Variants in CREB5 observed in about 807,000 individuals in gnomAD.
The protein encoded by CREB5 is cyclic AMP-responsive element-binding protein 5.
Under a neutral mutation model 57.1 loss-of-function variants are expected in CREB5, and 19 were observed. The observed-to-expected ratio is 0.33, with a 90% CI of 0.23 to 0.49. The LOEUF (loss-of-function observed/expected upper bound fraction) is 0.49, where lower values mean the gene tolerates loss of function less well. Ranked by LOEUF, CREB5 falls within the 20% of genes least tolerant of loss-of-function variation. The pLI, the probability that CREB5 is intolerant of heterozygous loss-of-function variation, is 0.99. For missense variants in CREB5, 579 were observed against 671.6 expected (o/e 0.86, Z 1.52); for synonymous variants, 238 against 238.3 (o/e 1.00, Z 0.01).
At chr7:28,311,108 C>T (rs954809713) in intron 1 of CREB5, among the ~76,000 whole-genome samples, 39 of 124,832 alleles carry the variant, frequency 3.1e-4, no homozygotes, top group African/African-American at 1.1e-3. Flanking sequence ...TCCTGGCTAG[C>T]ACGGTGAAAC....
chr7:28,317,231 T>G (rs1381121479), intron 1 of CREB5, among the ~76,000 whole-genome samples: 1 of 152,112 alleles, frequency 6.6e-6, no homozygotes. Context: ...AGGGTTCAGA[T>G]TACCCCAGGA....
chr7:28,597,952 G>A (rs1174257930), intron 5 of CREB5, among the ~76,000 whole-genome samples: 1 of 152,128 alleles, frequency 6.6e-6, no homozygotes, highest in African/African-American at 2.4e-5. Context: ...TATATATTTG[G>A]CAAGCTAATG....
At chr7:28,670,743 A>G (rs549284990) in intron 5 of CREB5, among the ~76,000 whole-genome samples, 1 of 152,352 alleles carries the variant, frequency 6.6e-6, no homozygotes, top group South Asian at 2.1e-4. Flanking sequence ...CTAATATGAA[A>G]ATATATAGGC....
At position 28,470,805 on chromosome 7, in the gene CREB5, G is replaced by C. The variant is rs189645564; in HGVS notation, c.4-17370G>C. ...CAAGATAGTATCTCATTGTAGTTTTGATTTGCATTTCTCTGATGATAAATG... is the reference window on the plus strand; with the variant it reads ...CAAGATAGTATCTCATTGTAGTTTTCATTTGCATTTCTCTGATGATAAATG... On this transcript the variant is annotated intron_variant, in intron 1 of 10. Transcript: ENST00000357727. 5.6e-3 allele frequency among the ~76,000 whole-genome samples: 848 copies of C among 152,244 alleles called. 9 individuals are homozygous for C. Among genetic ancestry groups the C allele is most frequent in the African/African-American group, 0.019 (808 of 41,540 alleles).
chr7:28,494,792 T>C (rs1791951904), intron 2 of CREB5, 114 bp from the exon 3 acceptor site: 1 of 654,550 alleles, frequency 1.5e-6, no homozygotes, highest in Admixed American at 3.0e-5. Flanking sequence ...TTTTTTTGTT[T>C]TGCCTGTCAT....
At position 28,821,029 on chromosome 7, in the gene CREB5, T is replaced by C. The variant is rs937013705; in HGVS notation, c.*1750T>C. ...AAGCCATTCTACTGTGCTAATGTTT[T>C]AATATCACATCTCACAAATAACAGG... On this transcript the variant is annotated 3_prime_UTR_variant, in exon 11 of 11. Transcript: ENST00000357727. 6.6e-6 allele frequency: 1 copy of C among 152,548 alleles called. No homozygotes were observed. Among genetic ancestry groups the C allele is most frequent in the Non-Finnish European group, 1.5e-5 (1 of 68,018 alleles). 9.4% of individuals were successfully genotyped at this position (152,548 alleles called of 1,614,324 possible).
intron 1 of CREB5, among the ~76,000 whole-genome samples, chr7:28,339,623 T>G (rs1739903733): frequency 6.6e-6 from 1 of 152,148 alleles, no homozygotes; most frequent in South Asian, 2.1e-4. Context: ...AAAGGTCCAC[T>G]GTACCACTGC....
rs939234397 is a variant in CREB5, at chr7:28,372,569, T to C, written c.-25+73128T>C. On this transcript the variant is annotated intron_variant, in intron 1 of 9. Coordinates refer to the CREB5 transcript ENST00000396299. The stretch of plus-strand genomic sequence containing the variant: ...ATAAAGGTGTAAATATTATTTATGA[T>C]GCTTATATTTAACTGGGACGATAGT... Among the ~76,000 whole-genome samples, 4 of 152,230 alleles carry C rather than the reference T, an allele frequency of 2.6e-5. No individual in the cohort carries two copies. In the East Asian group the frequency reaches 7.7e-4, roughly 29 times the overall value.
intron 1 of CREB5, among the ~76,000 whole-genome samples, chr7:28,324,350 A>G (rs1256884614): frequency 6.6e-6 from 1 of 151,916 alleles, no homozygotes; most frequent in Non-Finnish European, 1.5e-5. Context: ...ATTCCGGTTG[A>G]GTTTCTGTCC....
chr7:28,381,481 A>G (rs1413356106), intron 1 of CREB5, among the ~76,000 whole-genome samples: 3 of 152,202 alleles, frequency 2.0e-5, no homozygotes, highest in Non-Finnish European at 4.4e-5. Flanking sequence ...TAGCTTTCGG[A>G]CTTTGATTTC....
chr7:28,775,941 T>C (rs1418342811), intron 7 of CREB5, among the ~76,000 whole-genome samples: 1 of 152,136 alleles, frequency 6.6e-6, no homozygotes, highest in Non-Finnish European at 1.5e-5. Flanking sequence ...TATCACCTTT[T>C]TACAAATGGG....
chr7:28,808,786 C>T (rs1421064534), intron 8 of CREB5, among the ~76,000 whole-genome samples: 1 of 127,952 alleles, frequency 7.8e-6, no homozygotes, highest in African/African-American at 3.0e-5. Flanking sequence ...GTCTCAAACT[C>T]CTGGCCTCAA....
intron 5 of CREB5, among the ~76,000 whole-genome samples, chr7:28,610,174 G>A (rs1562525815): frequency 6.6e-6 from 1 of 152,150 alleles, no homozygotes; most frequent in African/African-American, 2.4e-5. Context: ...CAGAGCTACA[G>A]GGATGTCTCC....
chr7:28,412,598 C>A lies in CREB5; in HGVS notation c.-317C>A. 1 of 261,212 alleles carries A rather than the reference C, an allele frequency of 3.8e-6. No individual in the cohort carries two copies. 16.2% of individuals were successfully genotyped at this position (261,212 alleles called of 1,614,324 possible). ...TCCACAAATTTTTAGTCACATTTTCCATGTCAGTTAAATCTAGGGAGTTCA... is the reference window on the plus strand; with the variant it reads ...TCCACAAATTTTTAGTCACATTTTCAATGTCAGTTAAATCTAGGGAGTTCA... On this transcript the variant is annotated 5_prime_UTR_variant, in exon 1 of 11. Transcript: ENST00000357727.
chr7:28,799,046 T>C (rs1374866488), intron 7 of CREB5, among the ~76,000 whole-genome samples: 1 of 152,242 alleles, frequency 6.6e-6, no homozygotes, highest in Non-Finnish European at 1.5e-5. Flanking sequence ...AGTGCAACTG[T>C]GACTCTTGTT....
chr7:28,658,955 A>ATATATATATATATATATATATATGTGTG (rs61113400), intron 5 of CREB5, among the ~76,000 whole-genome samples: 5 of 47,534 alleles, frequency 1.1e-4, no homozygotes, highest in East Asian at 4.0e-4. Flanking sequence ...GTGTGTGTGT[A>ATATATATATATATATATATATATGTGTG]TATATATATA....
At chr7:28,328,270 T>C (rs1260551192) in intron 1 of CREB5, among the ~76,000 whole-genome samples, 1 of 152,200 alleles carries the variant, frequency 6.6e-6, no homozygotes, top group Non-Finnish European at 1.5e-5. Context: ...TAAAATCCAA[T>C]TTATAAACTT....
chr7:28,684,568 G>GGGATAAGC (rs1800759558), intron 5 of CREB5, among the ~76,000 whole-genome samples: 1 of 152,168 alleles, frequency 6.6e-6, no homozygotes, highest in African/African-American at 2.4e-5. Context: ...ACCTCCATCA[G>GGGATAAGC]TGGACGTCTT....
chr7:28,358,218 C>T (rs1265837456), intron 1 of CREB5, among the ~76,000 whole-genome samples: 3 of 152,210 alleles, frequency 2.0e-5, no homozygotes, highest in African/African-American at 7.2e-5. Flanking sequence ...ACCTCACAGG[C>T]TCTGTCTACC....
Sources: gnomAD v4.1 joint callset for allele counts (sites outside exome capture counted in the v4.1 genomes callset) on GRCh38, gnomAD v4.1.1 for gene constraint, MANE v1.5 for transcripts, NCBI Gene and HGNC (gene_info 2026-07-23, HGNC 2026-07-21) for gene names.